The following EYA3 variants were observed in gnomAD, a reference collection of about 807,000 sequenced individuals.
EYA3 encodes the protein EYA transcriptional coactivator and phosphatase 3, also known as protein phosphatase EYA3.
A neutral mutation model predicts 80.0 loss-of-function variants in EYA3; 39 were observed. The observed-to-expected ratio is 0.49, with a 90% confidence interval of 0.38 to 0.64. The LOEUF is 0.64. EYA3 is among the 30% of genes least tolerant of loss of function. The probability of loss-of-function intolerance (pLI) is 0.00; values close to 1 mark genes in which losing one functional copy is unlikely to be tolerated. For missense variants in EYA3, 523 were observed against 676.1 expected, an observed-to-expected ratio of 0.77 and a Z score of 2.51; for synonymous variants, 206 against 232.8, an observed-to-expected ratio of 0.88 and a Z score of 1.05.
chr1:27,998,732 TA>T (rs1257067136), intron 12 of EYA3, among the ~76,000 whole-genome samples: 1 of 151,720 alleles, frequency 6.6e-6, no homozygotes, highest in Admixed American at 6.6e-5. Flanking sequence ...AAAAAAAGAT[TA>T]AAAAAATGAT....
chr1:27,971,599 C>CAAAAAAAAAAA lies in EYA3; in HGVS notation c.*2866_*2867insTTTTTTTTTTT. The stretch of plus-strand genomic sequence containing the variant: ...ACAGAGCGAGACTCCATCTCAACAA[C>CAAAAAAAAAAA]AACAACAAAAAAAAAAAAAAAAAAA... On this transcript the variant is annotated 3_prime_UTR_variant, in exon 18 of 18. Transcript: ENST00000373871. 1.4e-5 allele frequency: 1 copy of CAAAAAAAAAAA among 73,030 alleles called. No individual in the cohort carries two copies. The highest frequency in any genetic ancestry group is 2.7e-5 in the Non-Finnish European group (1 of 36,558). The allele number at this position is 73,030 out of a possible 1,614,324, so 4.5% of individuals were successfully genotyped here.
chr1:28,046,259 T>C (rs1011252041), intron 3 of EYA3, among the ~76,000 whole-genome samples: 3 of 152,214 alleles, frequency 2.0e-5, no homozygotes, highest in African/African-American at 7.2e-5. Flanking sequence ...TTGTGTGTAT[T>C]TTATCATAGT....
At chr1:28,072,954 A>C (rs1323751509) in intron 1 of EYA3, among the ~76,000 whole-genome samples, 1 of 151,256 alleles carries the variant, frequency 6.6e-6, no homozygotes, top group Non-Finnish European at 1.5e-5. Context: ...GGACAAAGCC[A>C]GACTCAAAAG....
intron 5 of EYA3, 81 bp downstream of exon 5, chr1:28,038,753 ATTATT>A (rs1170342306): frequency 1.4e-6 from 1 of 715,568 alleles, no homozygotes; most frequent in African/African-American, 1.8e-5. Context: ...TTAAATATCT[ATTATT>A]TTAGAGGAAA....
chr1:27,994,259 A>G (rs1640268533), intron 13 of EYA3, among the ~76,000 whole-genome samples: 2 of 152,218 alleles, frequency 1.3e-5, no homozygotes, highest in Non-Finnish European at 2.9e-5. Context: ...AGCCCCATGG[A>G]GAGGTATGTG....
chr1:27,984,122 G>T (rs1327765931), intron 16 of EYA3, among the ~76,000 whole-genome samples: 1 of 152,140 alleles, frequency 6.6e-6, no homozygotes, highest in Non-Finnish European at 1.5e-5. Flanking sequence ...CAGCCTCCTT[G>T]AACTCTTGGG....
At chr1:28,027,746 A>G in intron 7 of EYA3, 43 bp downstream of exon 7, 1 of 1,608,674 alleles carries the variant, frequency 6.2e-7, no homozygotes, top group Non-Finnish European at 8.5e-7. Context: ...ACAAGAAACA[A>G]TAATAATAAT....
At chr1:28,062,161 A>G (rs1052656896) in intron 1 of EYA3, among the ~76,000 whole-genome samples, 1 of 152,186 alleles carries the variant, frequency 6.6e-6, no homozygotes, top group African/African-American at 2.4e-5. Flanking sequence ...TCTAATTTCA[A>G]TTCTTACTAC....
intron 16 of EYA3, 56 bp downstream of exon 16, chr1:27,988,479 A>G: frequency 6.3e-7 from 1 of 1,595,332 alleles, no homozygotes; most frequent in South Asian, 1.1e-5. Flanking sequence ...TAGGTGCATC[A>G]TGAGTAGAAA....
chr1:28,040,177 C>G (rs1396562698), intron 4 of EYA3, among the ~76,000 whole-genome samples: 1 of 152,092 alleles, frequency 6.6e-6, no homozygotes, highest in South Asian at 2.1e-4. Context: ...CTGGCTTGGA[C>G]TAGAATAGCA....
intron 3 of EYA3, among the ~76,000 whole-genome samples, chr1:28,044,283 A>T (rs1302749194): frequency 2.0e-5 from 3 of 152,202 alleles, no homozygotes; most frequent in Non-Finnish European, 2.9e-5. Context: ...TTCTGCCAAT[A>T]ACTAGCCCTA....
intron 1 of EYA3, among the ~76,000 whole-genome samples, chr1:28,059,717 T>A (rs371700759): frequency 1.3e-4 from 16 of 123,512 alleles, no homozygotes; most frequent in Non-Finnish European, 1.9e-4. Context: ...TTTGTTGGAT[T>A]TTTTTTTTTT....
At chr1:28,064,378 C>A (rs2311501) in intron 1 of EYA3, among the ~76,000 whole-genome samples, 8,834 of 136,206 alleles carry the variant, frequency 0.065, 452 homozygotes, top group East Asian at 0.22. Context: ...CTCTCTCTCT[C>A]TATATATATA....
intron 1 of EYA3, among the ~76,000 whole-genome samples, chr1:28,087,826 CA>C: frequency 1.3e-5 from 2 of 152,290 alleles, no homozygotes; most frequent in East Asian, 3.9e-4. Context: ...GAGAGAGCCC[CA>C]AAACTGAGGT....
At chr1:28,084,566 TATATATATATATATATATATATATATA>T (rs1645548659) in intron 1 of EYA3, among the ~76,000 whole-genome samples, 1 of 8,366 alleles carries the variant, frequency 1.2e-4, no homozygotes, top group Non-Finnish European at 2.6e-4. Context: ...AATATATATA[TATATATATATATATATATATATATATA>T]TATTTTTTTT....
At chr1:28,084,592 TATA>T (rs1173782754) in intron 1 of EYA3, among the ~76,000 whole-genome samples, 7 of 18,308 alleles carry the variant, frequency 3.8e-4, no homozygotes, top group South Asian at 2.3e-3. Flanking sequence ...TATATATATA[TATA>T]TTTTTTTTTT....
At chr1:28,034,156 T>C (rs1643317639) in intron 6 of EYA3, among the ~76,000 whole-genome samples, 1 of 152,050 alleles carries the variant, frequency 6.6e-6, no homozygotes, top group East Asian at 1.9e-4. Context: ...AGGATCCATA[T>C]GCACACAGAA....
At chr1:28,086,543 G>T (rs1645661100) in intron 1 of EYA3, among the ~76,000 whole-genome samples, 1 of 152,124 alleles carries the variant, frequency 6.6e-6, no homozygotes, top group Non-Finnish European at 1.5e-5. Flanking sequence ...AGTGACAATG[G>T]TATATAATCT....
At chr1:28,025,414 T>C (rs1425427472) in intron 7 of EYA3, among the ~76,000 whole-genome samples, 1 of 152,186 alleles carries the variant, frequency 6.6e-6, no homozygotes, top group Non-Finnish European at 1.5e-5. Flanking sequence ...GCATAAATAT[T>C]GTACTCATGC....
Sources: gnomAD v4.1 joint callset for allele counts (sites outside exome capture counted in the v4.1 genomes callset) on GRCh38, gnomAD v4.1.1 for gene constraint, MANE v1.5 for transcripts, NCBI Gene and HGNC (gene_info 2026-07-23, HGNC 2026-07-21) for gene names.